Variants in ACSL3 observed in about 807,000 individuals in gnomAD.
The protein encoded by ACSL3 is fatty acid CoA ligase Acsl3.
Under a neutral mutation model 84.7 loss-of-function variants are expected in ACSL3, and 34 were observed. The ratio of observed to expected loss-of-function variants is 0.40; its 90% CI spans 0.31 to 0.53. ACSL3 has a LOEUF of 0.53. ACSL3 is among the 20% of genes least tolerant of loss of function. ACSL3 has a pLI of 0.48. For missense variants in ACSL3, 680 were observed against 873.1 expected (o/e 0.78, Z 2.79); for synonymous variants, 315 against 299.4 (o/e 1.05, Z -0.54).
intron 3 of ACSL3, 145 bp from the exon 4 acceptor site, chr2:222,908,588 C>T: frequency 7.4e-6 from 4 of 541,858 alleles, no homozygotes; most frequent in Non-Finnish European, 6.4e-6. Flanking sequence ...AAATGAGTCT[C>T]TTAGAAATAT....
At position 222,908,665 on chromosome 2, in the gene ACSL3, G is replaced by A. The variant is rs987283820; in HGVS notation, c.-40-68G>A. 9.0e-6 allele frequency: 10 copies of A among 1,106,642 alleles called. No individual in the cohort carries two copies. The East Asian group carries it at 1.3e-4, about 14-fold the overall frequency. The allele number at this position is 1,106,642 out of a possible 1,614,324, so 68.6% of individuals were successfully genotyped here. ...AGAAAAAAAAAAATCTTCATTTGCC[G>A]ATGTAACTTTTCTTTAAATTATTTT... On this transcript the variant is annotated intron_variant, in intron 3 of 16. Transcript: ENST00000357430.
At chr2:222,941,168 G>A (rs1465036648) in intron 16 of ACSL3, among the ~76,000 whole-genome samples, 1 of 151,996 alleles carries the variant, frequency 6.6e-6, no homozygotes, top group African/African-American at 2.4e-5. Flanking sequence ...GGCCTCAAGC[G>A]ATCCTCCTGC....
intron 2 of ACSL3, among the ~76,000 whole-genome samples, chr2:222,888,920 A>G (rs953216440): frequency 2.6e-5 from 4 of 152,184 alleles, no homozygotes; most frequent in Admixed American, 1.3e-4. Flanking sequence ...TTTGAGGGAT[A>G]TACGTGATCA....
At chr2:222,925,707 A>G (rs1696860854) in intron 11 of ACSL3, among the ~76,000 whole-genome samples, 1 of 152,228 alleles carries the variant, frequency 6.6e-6, no homozygotes. Context: ...TTGTGAGTTT[A>G]TATTTTCTGT....
Position 222,889,052 on chromosome 2 carries a change from C to T in ACSL3, c.-148+1164C>T, listed in dbSNP as rs184340453. Among the ~76,000 whole-genome samples, 174 of 152,248 alleles carry T rather than the reference C, an allele frequency of 1.1e-3. 1 individual carries two copies. The highest frequency in any genetic ancestry group is 3.8e-3 in the African/African-American group (158 of 41,524). ...AACTTTGAATTCTTAGCTAAGAATG[C>T]ATCAAGAGAGTTTAGCAGATTTACA... is the stretch of plus-strand genomic sequence containing the variant. On this transcript the variant is annotated intron_variant, in intron 2 of 16. Transcript: ENST00000357430.
At chr2:222,926,591 T>C (rs1210055464) in intron 11 of ACSL3, among the ~76,000 whole-genome samples, 1 of 152,198 alleles carries the variant, frequency 6.6e-6, no homozygotes, top group Non-Finnish European at 1.5e-5. Context: ...AAAAACAGAT[T>C]GTGGTATACA....
At chr2:222,893,739 G>A (rs548499393) in intron 2 of ACSL3, among the ~76,000 whole-genome samples, 8 of 141,832 alleles carry the variant, frequency 5.6e-5, no homozygotes, top group Non-Finnish European at 1.2e-4. Context: ...CCCGCTTTCC[G>A]CCTCCTTTCC....
In ACSL3 at chr2:222,893,444, G is replaced by T. The variant is rs143735505; in HGVS notation, c.-148+5556G>T. ...TCTGAGAGTGACTCCTGTTTTCTTT[G>T]TTCAGTCCATGAGTTTTGTGGAGGT... is the stretch of plus-strand genomic sequence containing the variant. On this transcript the variant is annotated intron_variant, in intron 2 of 16. Transcript: ENST00000357430. Among the ~76,000 whole-genome samples, 566 of 152,160 alleles carry T rather than the reference G, an allele frequency of 3.7e-3. 7 individuals carry two copies. Among genetic ancestry groups the T allele is most frequent in the African/African-American group, 0.013 (538 of 41,502 alleles).
At position 222,876,104 on chromosome 2, in the gene ACSL3, A is replaced by G. The variant is rs1177924459; in HGVS notation, c.-206-11726A>G. On this transcript the variant is annotated intron_variant, in intron 1 of 16. Coordinates refer to ENST00000357430, the MANE Select transcript of ACSL3 (RefSeq NM_004457.5). The stretch of plus-strand genomic sequence containing the variant: ...GCAAGTAGATATTAGAAGACTTCAT[A>G]AAAGAGGTGACATTTGAGCTAGAGT... 3.3e-5 allele frequency among the ~76,000 whole-genome samples: 5 copies of G among 152,218 alleles called. No homozygotes were observed. The East Asian group carries it at 7.7e-4, about 23-fold the overall frequency.
intron 1 of ACSL3, among the ~76,000 whole-genome samples, chr2:222,864,586 G>A (rs1314701411): frequency 6.6e-6 from 1 of 152,182 alleles, no homozygotes; most frequent in Admixed American, 6.5e-5. Context: ...GAGGTCACTG[G>A]TGACCTTTGA....
At chr2:222,874,412 T>C (rs929715283) in intron 1 of ACSL3, among the ~76,000 whole-genome samples, 2 of 152,172 alleles carry the variant, frequency 1.3e-5, no homozygotes, top group Admixed American at 1.3e-4. Flanking sequence ...ATTTCTTGGC[T>C]GGGCACAGTG....
intron 1 of ACSL3, among the ~76,000 whole-genome samples, chr2:222,873,358 C>T (rs1270912128): frequency 1.3e-5 from 2 of 152,074 alleles, no homozygotes; most frequent in Non-Finnish European, 2.9e-5. Context: ...ATGTTTTGAA[C>T]AGAAATATTT....
chr2:222,874,235 G>C (rs1262028517), intron 1 of ACSL3, among the ~76,000 whole-genome samples: 1 of 152,146 alleles, frequency 6.6e-6, no homozygotes, highest in Non-Finnish European at 1.5e-5. Context: ...ATGTTGGCCA[G>C]ACTGGTCTTG....
At chr2:222,876,803 A>G (rs1389376003) in intron 1 of ACSL3, among the ~76,000 whole-genome samples, 1 of 151,960 alleles carries the variant, frequency 6.6e-6, no homozygotes, top group Non-Finnish European at 1.5e-5. Flanking sequence ...TTGTGGGGAG[A>G]CAGAAAAGCA....
chr2:222,918,947 C>CT (rs1696656626), intron 6 of ACSL3, 117 bp from the exon 7 acceptor site: 1 of 1,251,202 alleles, frequency 8.0e-7, no homozygotes, highest in African/African-American at 1.5e-5. Flanking sequence ...ACCCTTTCTT[C>CT]TTTCTTTTTT....
At chr2:222,882,566 T>TGCATGCC (rs2106095038) in intron 1 of ACSL3, among the ~76,000 whole-genome samples, 1 of 152,142 alleles carries the variant, frequency 6.6e-6, no homozygotes, top group South Asian at 2.1e-4. Context: ...CTAGAACCCT[T>TGCATGCC]GCATGCCGAA....
chr2:222,870,675 G>A (rs1695276588), intron 1 of ACSL3, among the ~76,000 whole-genome samples: 1 of 152,244 alleles, frequency 6.6e-6, no homozygotes. Flanking sequence ...GAGCTAACAG[G>A]GCAAAATGAG....
chr2:222,942,781 T>G lies in ACSL3; in HGVS notation c.*1127T>G, dbSNP rs1011935764. 1.4e-5 allele frequency: 3 copies of G among 218,758 alleles called. No individual in the cohort carries two copies. The highest frequency in any genetic ancestry group is 6.7e-5 in the African/African-American group (3 of 44,602). The allele number at this position is 218,758 out of a possible 1,614,324, so 13.6% of individuals were successfully genotyped here. ...AAAAATGAAAGAATTTAGAATGTAT[T>G]TGATGATAGCATTCTCACTAAGACA... On this transcript the variant is annotated 3_prime_UTR_variant, in exon 17 of 17. Transcript: ENST00000357430.
At chr2:222,931,262 G>C (rs1697024129) in intron 14 of ACSL3, among the ~76,000 whole-genome samples, 1 of 151,748 alleles carries the variant, frequency 6.6e-6, no homozygotes, top group African/African-American at 2.4e-5. Context: ...ATTTCAGTTA[G>C]CCGTGTGTGG....
Sources: gnomAD v4.1 joint callset for allele counts (sites outside exome capture counted in the v4.1 genomes callset) on GRCh38, gnomAD v4.1.1 for gene constraint, MANE v1.5 for transcripts, NCBI Gene and HGNC (gene_info 2026-07-23, HGNC 2026-07-21) for gene names.